The following FAM227B variants were observed in gnomAD, a reference collection of about 807,000 sequenced individuals.
FAM227B encodes protein FAM227B.
Under a neutral mutation model 73.8 loss-of-function variants are expected in FAM227B, and 88 were observed. The ratio of observed to expected loss-of-function variants is 1.19; its 90% CI spans 1.00 to 1.42. FAM227B has a LOEUF of 1.42. Among genes scored for constraint, FAM227B ranks in the 40% most tolerant of loss-of-function variants. FAM227B has a pLI of 0.00. For synonymous variants in FAM227B, 210 were observed against 190.5 expected, an observed-to-expected ratio of 1.10 and a Z score of -0.84; for missense variants, 632 against 590.9, an observed-to-expected ratio of 1.07 and a Z score of -0.72.
At chr15:49,602,212 A>C (rs1441022543) in intron 3 of FAM227B, among the ~76,000 whole-genome samples, 4 of 152,070 alleles carry the variant, frequency 2.6e-5, no homozygotes, top group Non-Finnish European at 5.9e-5. Flanking sequence ...TTTTTGAGGA[A>C]CCTTCAAATT....
intron 5 of FAM227B, among the ~76,000 whole-genome samples, 192 bp from the exon 6 acceptor site, chr15:49,577,856 T>C (rs1228265630): frequency 6.6e-6 from 1 of 152,208 alleles, no homozygotes; most frequent in Non-Finnish European, 1.5e-5. Flanking sequence ...AAACTAGTTA[T>C]GGTTCAAAAA....
chr15:49,348,791 T>C (rs954165956), intron 13 of FAM227B, among the ~76,000 whole-genome samples: 1 of 152,190 alleles, frequency 6.6e-6, no homozygotes, highest in Admixed American at 6.5e-5. Flanking sequence ...TGACCAACAA[T>C]ATTTATAGCA....
intron 11 of FAM227B, among the ~76,000 whole-genome samples, chr15:49,420,880 G>GT (rs1268195591): frequency 1.3e-5 from 2 of 151,932 alleles, no homozygotes; most frequent in African/African-American, 4.8e-5. Flanking sequence ...TAATTTTTTT[G>GT]TATTTTTAGT....
chr15:49,521,715 T>C (rs958249357), intron 10 of FAM227B, among the ~76,000 whole-genome samples: 2 of 152,116 alleles, frequency 1.3e-5, no homozygotes, highest in Admixed American at 6.5e-5. Context: ...CAGATGGGTG[T>C]TTTCCATGGA....
chr15:49,421,537 C>G (rs896824446), intron 11 of FAM227B, among the ~76,000 whole-genome samples: 3 of 152,188 alleles, frequency 2.0e-5, no homozygotes, highest in Non-Finnish European at 4.4e-5. Flanking sequence ...ACTAAGCACT[C>G]TTTGCTAACA....
chr15:49,414,139 G>A (rs1256330904), intron 11 of FAM227B, among the ~76,000 whole-genome samples: 1 of 152,012 alleles, frequency 6.6e-6, no homozygotes, highest in Admixed American at 6.6e-5. Flanking sequence ...CGAATACAGA[G>A]TAAGTGTTGA....
At chr15:49,576,685 T>C (rs1161866111) in intron 7 of FAM227B, 56 bp downstream of exon 7, 1 of 995,692 alleles carries the variant, frequency 1.0e-6, no homozygotes, top group African/African-American at 1.6e-5. Context: ...AAAGGTCTGA[T>C]TCATTAAATC....
At chr15:49,332,050 G>C in intron 14 of FAM227B, among the ~76,000 whole-genome samples, 1 of 151,514 alleles carries the variant, frequency 6.6e-6, no homozygotes, top group East Asian at 1.9e-4. Context: ...GGCTGAGATA[G>C]GTTCAGACAC....
intron 11 of FAM227B, among the ~76,000 whole-genome samples, chr15:49,472,022 A>G (rs1349844515): frequency 0.038 from 2 of 52 alleles, no homozygotes; most frequent in African/African-American, 0.17. Context: ...TTAGAAGTGA[A>G]AAAAAAAAAA....
intron 11 of FAM227B, among the ~76,000 whole-genome samples, chr15:49,467,576 T>A (rs1322664527): frequency 6.6e-6 from 1 of 152,140 alleles, no homozygotes; most frequent in Non-Finnish European, 1.5e-5. Flanking sequence ...TTCCATTTCA[T>A]ATAAAAATCT....
At chr15:49,435,118 T>C (rs1395904406) in intron 11 of FAM227B, among the ~76,000 whole-genome samples, 1 of 151,536 alleles carries the variant, frequency 6.6e-6, no homozygotes, top group South Asian at 2.1e-4. Context: ...GGGGGGTACA[T>C]GGGGAAAAGG....
chr15:49,476,487 C>G (rs983200438), intron 11 of FAM227B, among the ~76,000 whole-genome samples: 1 of 151,808 alleles, frequency 6.6e-6, no homozygotes, highest in Non-Finnish European at 1.5e-5. Context: ...CTACAATTTC[C>G]AAAGTGTGTT....
chr15:49,584,234 A>G (rs1315136715), intron 5 of FAM227B, among the ~76,000 whole-genome samples: 3 of 152,240 alleles, frequency 2.0e-5, no homozygotes, highest in Admixed American at 2.0e-4. Context: ...AATGTGATTC[A>G]TCACATAAAC....
At chr15:49,450,714 A>G (rs78365965) in intron 11 of FAM227B, among the ~76,000 whole-genome samples, 3,663 of 152,220 alleles carry the variant, frequency 0.024, 115 homozygotes, top group South Asian at 0.15. Context: ...TTTCAATTAC[A>G]TTCTTGATCT....
chr15:49,406,781 A>T (rs1364966109), intron 11 of FAM227B, among the ~76,000 whole-genome samples: 1 of 151,986 alleles, frequency 6.6e-6, no homozygotes, highest in African/African-American at 2.4e-5. Flanking sequence ...GTGCCGGTAC[A>T]TGTTTGGGGT....
chr15:49,570,600 C>T (rs1299479034), intron 8 of FAM227B, among the ~76,000 whole-genome samples: 2 of 151,424 alleles, frequency 1.3e-5, no homozygotes, highest in Non-Finnish European at 3.0e-5. Context: ...AACTTTGCAC[C>T]TTTTGATCAT....
chr15:49,459,309 G>T (rs932369962), intron 11 of FAM227B, among the ~76,000 whole-genome samples: 2 of 152,136 alleles, frequency 1.3e-5, no homozygotes, highest in African/African-American at 2.4e-5. Flanking sequence ...CTTTCTAGGG[G>T]AGCAGCACAC....
chr15:49,500,157 A>G (rs1028695025), intron 11 of FAM227B, among the ~76,000 whole-genome samples: 1 of 152,252 alleles, frequency 6.6e-6, no homozygotes, highest in African/African-American at 2.4e-5. Context: ...GTGAATTATG[A>G]TCATGGCACT....
intron 10 of FAM227B, among the ~76,000 whole-genome samples, chr15:49,526,866 CA>C (rs2060242327): frequency 6.6e-6 from 1 of 151,692 alleles, no homozygotes; most frequent in Non-Finnish European, 1.5e-5. Flanking sequence ...AAATTCTGAA[CA>C]GATCAAGTAG....
Sources: allele counts gnomAD v4.1 joint callset (sites outside exome capture counted in the v4.1 genomes callset), GRCh38; gene constraint gnomAD v4.1.1; transcripts MANE v1.5; gene names NCBI Gene and HGNC (gene_info 2026-07-23, HGNC 2026-07-21).